ALG9: variants seen among roughly 807,000 people sequenced by gnomAD.
ALG9 encodes the protein ALG9 alpha-1,2-mannosyltransferase, also known as alpha-1,2-mannosyltransferase ALG9.
Under a neutral mutation model 81.8 loss-of-function variants are expected in ALG9, and 55 were observed. The ratio of observed to expected loss-of-function variants is 0.67; its 90% CI spans 0.54 to 0.84. ALG9 has a LOEUF of 0.84. ALG9 is among the 40% of genes least tolerant of loss of function. The pLI is 0.00. For synonymous variants in ALG9, 278 were observed against 274.3 expected (o/e 1.01, Z -0.13); for missense variants, 629 against 745.0 (o/e 0.84, Z 1.81).
At chr11:111,802,322 G>A (rs956712620) in intron 14 of ALG9, among the ~76,000 whole-genome samples, 1 of 152,206 alleles carries the variant, frequency 6.6e-6, no homozygotes, top group Admixed American at 6.5e-5. Flanking sequence ...ATCAGTTAGT[G>A]AAGGATTAAA....
intron 8 of ALG9, among the ~76,000 whole-genome samples, chr11:111,846,444 A>G (rs1426044309): frequency 6.6e-6 from 1 of 152,196 alleles, no homozygotes; most frequent in Non-Finnish European, 1.5e-5. Context: ...TCCAGAAAAT[A>G]TTTGTCTCTA....
At chr11:111,844,528 T>G in intron 9 of ALG9, 73 bp downstream of exon 9, 1 of 1,599,522 alleles carries the variant, frequency 6.3e-7, no homozygotes, top group East Asian at 2.2e-5. Flanking sequence ...AGTAGGATTT[T>G]CCTTCAGTTC....
chr11:111,817,143 T>C (rs1362494032), intron 13 of ALG9: 4 of 152,160 alleles, frequency 2.6e-5, no homozygotes, highest in African/African-American at 9.7e-5. Context: ...GGACTGATAA[T>C]GGAGGATCCA....
chr11:111,846,912 G>A (rs1447911279), intron 8 of ALG9, among the ~76,000 whole-genome samples: 1 of 152,172 alleles, frequency 6.6e-6, no homozygotes, highest in Non-Finnish European at 1.5e-5. Context: ...AAGATGTTTA[G>A]GTGAAGGAAA....
intron 13 of ALG9, among the ~76,000 whole-genome samples, chr11:111,830,559 C>CA (rs1370472850): frequency 6.6e-6 from 1 of 152,124 alleles, no homozygotes; most frequent in Non-Finnish European, 1.5e-5. Context: ...GTATTTTGAA[C>CA]ATTCTCCAAT....
At chr11:111,807,048 C>T (rs1555085885) in intron 14 of ALG9, among the ~76,000 whole-genome samples, 1 of 152,172 alleles carries the variant, frequency 6.6e-6, no homozygotes, top group East Asian at 1.9e-4. Flanking sequence ...GAAGAACCCT[C>T]ATCTCTTGCC....
At chr11:111,787,829 G>A (rs530105305) in intron 14 of ALG9, among the ~76,000 whole-genome samples, 2 of 152,122 alleles carry the variant, frequency 1.3e-5, no homozygotes, top group Non-Finnish European at 2.9e-5. Flanking sequence ...CTGTGAGGAA[G>A]TGGCATTATT....
At chr11:111,829,912 G>A (rs1954059944) in intron 13 of ALG9, among the ~76,000 whole-genome samples, 2 of 152,122 alleles carry the variant, frequency 1.3e-5, no homozygotes, top group African/African-American at 4.8e-5. Flanking sequence ...TGAGGGCCCC[G>A]GCTCAGGACA....
At chr11:111,842,809 A>G (rs1956424402) in intron 9 of ALG9, among the ~76,000 whole-genome samples, 2 of 152,218 alleles carry the variant, frequency 1.3e-5, no homozygotes, top group African/African-American at 4.8e-5. Context: ...CTTACTAGGT[A>G]GATATGTGCA....
intron 14 of ALG9, among the ~76,000 whole-genome samples, chr11:111,800,256 G>A (rs10891293): frequency 0.29 from 44,513 of 151,724 alleles, 7,390 homozygotes; most frequent in East Asian, 0.58. Flanking sequence ...TGAGGCAGGC[G>A]GATCATGAGG....
At chr11:111,858,363 T>C (rs1471112082) in intron 5 of ALG9, among the ~76,000 whole-genome samples, 3 of 152,194 alleles carry the variant, frequency 2.0e-5, no homozygotes, top group Non-Finnish European at 2.9e-5. Context: ...CATGATTATA[T>C]TTCCAGGAAG....
In ALG9 at chr11:111,786,468, T is replaced by C; in HGVS notation, c.1786A>G (p.Thr596Ala). The change falls in exon 15 of 15, where the codon ACA (threonine) becomes GCA (alanine). Residue 596 changes from threonine to alanine, a missense_variant. By Grantham distance (58) the Thr-to-Ala change is moderately conservative. Around this residue, in one of 3 missense-constraint regions of ALG9, gnomAD observed 264 missense variants for 302.2 expected, o/e 0.87. Coordinates refer to ENST00000616540, the MANE Select transcript of ALG9 (RefSeq NM_024740.2). ...FYVPFLSDQYTVYVNYTILKP... is the reference protein window; with the variant it reads ...FYVPFLSDQYAVYVNYTILKP... ...AGGATGGTGTAGTTTACGTACACTG[T>C]ATACTGATCTGACAGGAAGGGGACA... The C allele has an allele frequency of 1.2e-6, 2 of 1,614,124 alleles. No homozygotes were observed. Among genetic ancestry groups the C allele is most frequent in the Non-Finnish European group, 1.7e-6 (2 of 1,179,998 alleles).
intron 9 of ALG9, among the ~76,000 whole-genome samples, chr11:111,842,053 C>T (rs979194759): frequency 7.2e-5 from 11 of 152,044 alleles, no homozygotes; most frequent in African/African-American, 2.7e-4. Context: ...TGCATCAACA[C>T]ACCAGGCTAA....
At chr11:111,794,085 C>T (rs114822997) in intron 14 of ALG9, among the ~76,000 whole-genome samples, 1,775 of 152,306 alleles carry the variant, frequency 0.012, 32 homozygotes, top group African/African-American at 0.039. Context: ...AATTAGCTCA[C>T]GGCTCAGAAT....
At chr11:111,778,114 T>C (rs551051635), downstream of ALG9, 1 of 152,272 alleles carries the variant, frequency 6.6e-6, no homozygotes, top group South Asian at 2.1e-4. Context: ...AAGGGCTTAA[T>C]ATTCACACCT....
chr11:111,865,305 C>T (rs1370497203), intron 3 of ALG9, 54 bp from the exon 4 acceptor site: 3 of 1,367,578 alleles, frequency 2.2e-6, no homozygotes, highest in South Asian at 1.3e-5. Flanking sequence ...GCTAGAAAAA[C>T]TCATAAACAT....
At chr11:111,837,075 G>A (rs782342195) in intron 12 of ALG9, among the ~76,000 whole-genome samples, 3 of 152,216 alleles carry the variant, frequency 2.0e-5, no homozygotes, top group South Asian at 2.1e-4. Flanking sequence ...TTTCACTACT[G>A]TTGGGTCAAG....
chr11:111,869,247 C>T (rs901261328), intron 2 of ALG9, among the ~76,000 whole-genome samples: 32 of 152,228 alleles, frequency 2.1e-4, no homozygotes, highest in African/African-American at 7.2e-4. Flanking sequence ...ACTTGTTAGC[C>T]AAAACAGAAA....
chr11:111,866,177 AC>A (rs112729065), intron 3 of ALG9, among the ~76,000 whole-genome samples: 1 of 152,032 alleles, frequency 6.6e-6, no homozygotes, highest in African/African-American at 2.4e-5. Flanking sequence ...GGCAACTGTA[AC>A]CCCAGCTACT....
Sources: gnomAD v4.1 joint callset for allele counts (sites outside exome capture counted in the v4.1 genomes callset) on GRCh38, gnomAD v4.1.1 for gene constraint, gnomAD v4.1.1 regional missense constraint, MANE v1.5 for transcripts, NCBI Gene and HGNC (gene_info 2026-07-23, HGNC 2026-07-21) for gene names.